Variants in HBP1 observed in about 807,000 individuals in gnomAD.
HBP1 encodes HMG-box transcription factor 1, also known as HMG box-containing protein 1.
HBP1 carries 20 observed loss-of-function variants against 62.6 expected under a neutral mutation model. That is an observed-to-expected ratio of 0.32 (90% confidence interval 0.22 to 0.46). The LOEUF is 0.46. HBP1 is among the 20% of genes least tolerant of loss of function. The pLI, the probability that HBP1 is intolerant of heterozygous loss-of-function variation, is 1.00. For synonymous variants in HBP1, 232 were observed against 206.2 expected (o/e 1.12, Z -1.07); for missense variants, 480 against 611.8 (o/e 0.78, Z 2.27).
chr7:107,170,023 C>T (rs922895057), intron 1 of HBP1: 15 of 985,314 alleles, frequency 1.5e-5, no homozygotes, highest in Admixed American at 6.1e-5. Flanking sequence ...GCTTTAAATG[C>T]TGCGTGCTGT....
At chr7:107,191,631 TATAATC>T (rs1243005039) in intron 8 of HBP1, among the ~76,000 whole-genome samples, 2 of 152,208 alleles carry the variant, frequency 1.3e-5, no homozygotes, top group Admixed American at 6.5e-5. Context: ...TGAAGTGTGA[TATAATC>T]ATATAGTGGA....
Position 107,182,597 on chromosome 7 carries a change from A to G in HBP1, c.394A>G (p.Asn132Asp), listed in dbSNP as rs1246419792. The change falls in exon 3 of 11, where the codon AAT becomes GAT. Residue 132 changes from asparagine to aspartate, a missense_variant. Asn to Asp is a conservative substitution (Grantham distance 23). Coordinates refer to ENST00000222574, the MANE Select transcript of HBP1 (RefSeq NM_012257.4). ...QSPLMQCSFY[N>D]RSSPVHIIAT... ...TCCACTGATGCAGTGCTCATTTTAC[A>G]ATAGGTAGGAGCATTTATTATATTT... The G allele has an allele frequency of 1.3e-6, 2 of 1,496,900 alleles. No homozygotes were observed. The highest frequency in any genetic ancestry group is 1.9e-6 in the Non-Finnish European group (2 of 1,074,430). The allele number at this position is 1,496,900 out of a possible 1,614,324, so 92.7% of individuals were successfully genotyped here.
chr7:107,198,802 T>G (rs1798054102), intron 9 of HBP1, among the ~76,000 whole-genome samples: 1 of 152,212 alleles, frequency 6.6e-6, no homozygotes, highest in African/African-American at 2.4e-5. Flanking sequence ...GCAGAAATAA[T>G]CTTTAGATGT....
At chr7:107,169,562 C>G (rs1331000714) in intron 1 of HBP1, among the ~76,000 whole-genome samples, 2 of 151,058 alleles carry the variant, frequency 1.3e-5, no homozygotes, top group Non-Finnish European at 3.0e-5. Flanking sequence ...GACTTCAACT[C>G]CCCGTTTGTG....
At chr7:107,182,163 G>C (rs183919446) in intron 2 of HBP1, among the ~76,000 whole-genome samples, 24 of 152,144 alleles carry the variant, frequency 1.6e-4, no homozygotes, top group African/African-American at 5.5e-4. Flanking sequence ...ATCACTCCTA[G>C]GTGAGGTACA....
chr7:107,181,743 A>AAT (rs899346384), intron 2 of HBP1, among the ~76,000 whole-genome samples: 1 of 151,308 alleles, frequency 6.6e-6, no homozygotes, highest in Non-Finnish European at 1.5e-5. Context: ...TTTTTAAAAG[A>AAT]ATATATATAT....
intron 3 of HBP1, among the ~76,000 whole-genome samples, chr7:107,184,609 C>G (rs1184535817): frequency 6.6e-6 from 1 of 152,194 alleles, no homozygotes; most frequent in Non-Finnish European, 1.5e-5. Context: ...CTTCCGGGTT[C>G]ACGCCATTCT....
chr7:107,190,418 A>C (rs1797594500), intron 8 of HBP1, 101 bp downstream of exon 8: 1 of 721,272 alleles, frequency 1.4e-6, no homozygotes, highest in Non-Finnish European at 2.3e-6. Context: ...CAGTCTTTAA[A>C]GATTTGAGAA....
At chr7:107,201,197 A>G (rs1330200402) in intron 10 of HBP1, 2 of 409,158 alleles carry the variant, frequency 4.9e-6, no homozygotes, top group Non-Finnish European at 8.8e-6. Flanking sequence ...CTTTTCCTGT[A>G]TCCCTTTTCT....
At chr7:107,190,693 CTG>C (rs1797609832) in intron 8 of HBP1, among the ~76,000 whole-genome samples, 1 of 152,164 alleles carries the variant, frequency 6.6e-6, no homozygotes, top group Admixed American at 6.5e-5. Context: ...TTGTAGTTAA[CTG>C]TATTTTTCTT....
At chr7:107,170,847 C>T (rs956409183) in intron 1 of HBP1, among the ~76,000 whole-genome samples, 5 of 150,042 alleles carry the variant, frequency 3.3e-5, no homozygotes, top group African/African-American at 1.2e-4. Context: ...ATCCTGTGTG[C>T]TTCACAGGGC....
intron 6 of HBP1, 37 bp downstream of exon 6, chr7:107,186,718 T>G (rs1797393967): frequency 2.6e-6 from 3 of 1,176,076 alleles, no homozygotes; most frequent in Non-Finnish European, 3.8e-6. Flanking sequence ...TTCAAAATCT[T>G]TCCAAATGAA....
chr7:107,174,532 G>A (rs1475280986), intron 1 of HBP1: 2 of 985,038 alleles, frequency 2.0e-6, no homozygotes, highest in East Asian at 2.3e-4. Context: ...TACTATACTT[G>A]GTGAATGTTG....
intron 10 of HBP1, 137 bp from the exon 11 acceptor site, chr7:107,201,277 C>CT: frequency 2.0e-6 from 1 of 492,250 alleles, no homozygotes; most frequent in East Asian, 3.3e-5. Flanking sequence ...TATCAGCTAG[C>CT]TTTTTAAAAT....
chr7:107,183,622 A>G (rs774160525), intron 3 of HBP1, among the ~76,000 whole-genome samples: 1 of 152,104 alleles, frequency 6.6e-6, no homozygotes, highest in Non-Finnish European at 1.5e-5. Flanking sequence ...TATTTTTAAA[A>G]AAAAACCTGA....
intron 3 of HBP1, among the ~76,000 whole-genome samples, chr7:107,184,463 A>G (rs926463878): frequency 1.3e-5 from 2 of 152,202 alleles, no homozygotes; most frequent in Non-Finnish European, 1.5e-5. Context: ...GGCTAATACA[A>G]ATTCTCAGGG....
At chr7:107,170,592 G>A (rs1796506514) in intron 1 of HBP1, among the ~76,000 whole-genome samples, 1 of 151,998 alleles carries the variant, frequency 6.6e-6, no homozygotes, top group African/African-American at 2.4e-5. Flanking sequence ...AAGTTTTTGG[G>A]TTATGTTATA....
rs1261854008 is a variant in HBP1 at position 107,201,413 on chromosome 7, G to A, written c.1528-1G>A. ...CACTGAGTTTAATTTTATTTCCACA[G>A]GGCTCACAACAACATTAAACCAGGA... is the stretch of plus-strand genomic sequence containing the variant. On this transcript the variant is annotated splice_acceptor_variant, in intron 10 of 10. Coordinates refer to ENST00000222574, the MANE Select transcript of HBP1 (RefSeq NM_012257.4). LOFTEE classifies it high-confidence loss of function. 3 of 1,570,292 alleles carry A rather than the reference G, an allele frequency of 1.9e-6. No homozygotes were observed. The highest frequency in any genetic ancestry group is 2.6e-6 in the Non-Finnish European group (3 of 1,141,610).
rs775245413 is a variant in HBP1 at position 107,196,033 on chromosome 7, T to G, written c.1267T>G (p.Ser423Ala). 16 of 1,613,404 alleles carry G rather than the reference T, an allele frequency of 9.9e-6. No individual in the cohort carries two copies. The African/African-American group carries it at 1.7e-4, about 17-fold the overall frequency. ...LYAKAVKNHS[S>A]GTVSATSPNK... is the part of the protein sequence containing the mutation. ...TGCTAAAGCTGTCAAAAACCACAGC[T>G]CAGGGACTGTGAGTGCCACTTCTCC... Residue 423 changes from serine to alanine, a missense_variant, in exon 9 of 11, where the codon TCA becomes GCA. This residue lies in a region of HBP1 where 66 missense variants were observed against 56.4 expected (regional missense o/e 1.17). Transcript: ENST00000222574.
Sources: gnomAD v4.1 joint callset for allele counts (sites outside exome capture counted in the v4.1 genomes callset) on GRCh38, gnomAD v4.1.1 for gene constraint, gnomAD v4.1.1 regional missense constraint, MANE v1.5 for transcripts, NCBI Gene and HGNC (gene_info 2026-07-23, HGNC 2026-07-21) for gene names.